GLYATL1: variants seen among roughly 807,000 people sequenced by gnomAD.
GLYATL1 encodes glycine N-acyltransferase-like protein 1.
A neutral mutation model predicts 20.0 loss-of-function variants in GLYATL1; 15 were observed. The ratio of observed to expected loss-of-function variants is 0.75; its 90% CI spans 0.50 to 1.15. The LOEUF (loss-of-function observed/expected upper bound fraction) is 1.15. Ranked by LOEUF, GLYATL1 falls within the 50% of genes most tolerant of loss-of-function variation. GLYATL1 has a pLI of 0.00. For synonymous variants in GLYATL1, 151 were observed against 131.5 expected (o/e 1.15, Z -1.01); for missense variants, 380 against 368.5 (o/e 1.03, Z -0.26).
intron 4 of GLYATL1, among the ~76,000 whole-genome samples, chr11:58,954,353 A>G (rs1857224108): frequency 1.3e-5 from 2 of 152,356 alleles, no homozygotes; most frequent in Admixed American, 1.3e-4. Flanking sequence ...CGTTTGGCAC[A>G]GGTGGTAAGA....
chr11:58,955,120 A>C, intron 5 of GLYATL1, 56 bp from the exon 6 acceptor site: 2 of 1,497,396 alleles, frequency 1.3e-6, no homozygotes, highest in East Asian at 2.3e-5. Flanking sequence ...AGGTGGGAGC[A>C]GTGTAAGTAG....
downstream of GLYATL1, among the ~76,000 whole-genome samples, chr11:58,911,792 T>C (rs1241114307): frequency 2.0e-5 from 3 of 152,230 alleles, no homozygotes; most frequent in Non-Finnish European, 4.4e-5. Flanking sequence ...CTCTTGGTTC[T>C]GTTTTGGGAG....
chr11:58,906,146 G>A (rs1326776970), intron 1 of GLYATL1, among the ~76,000 whole-genome samples: 1 of 152,186 alleles, frequency 6.6e-6, no homozygotes. Flanking sequence ...CGGACCCGGA[G>A]TTAGGTGGAT....
intron 1 of GLYATL1, among the ~76,000 whole-genome samples, chr11:58,932,493 A>G (rs768381570): frequency 2.0e-5 from 3 of 152,180 alleles, no homozygotes; most frequent in South Asian, 2.1e-4. Context: ...CCACTTTTAC[A>G]TCTACACTTG....
upstream of GLYATL1, among the ~76,000 whole-genome samples, chr11:58,926,408 TG>T (rs1343645053): frequency 6.6e-6 from 1 of 152,192 alleles, no homozygotes; most frequent in Non-Finnish European, 1.5e-5. Flanking sequence ...ATGTGTACGT[TG>T]GTCCAGCAAT....
chr11:58,939,838 CTT>C (rs2135168473), intron 1 of GLYATL1, among the ~76,000 whole-genome samples, 188 bp downstream of exon 1: 1 of 152,134 alleles, frequency 6.6e-6, no homozygotes. Flanking sequence ...AAGTGAGTGT[CTT>C]TTGTGGGTAC....
upstream of GLYATL1, among the ~76,000 whole-genome samples, chr11:58,926,402 G>A (rs1490303335): frequency 1.3e-5 from 2 of 152,210 alleles, no homozygotes; most frequent in Non-Finnish European, 2.9e-5. Flanking sequence ...AACAGGATGT[G>A]TACGTTGGTC....
intron 4 of GLYATL1, 112 bp from the exon 5 acceptor site, chr11:58,954,658 T>A (rs775619913): frequency 1.1e-6 from 1 of 929,810 alleles, no homozygotes; most frequent in Non-Finnish European, 1.6e-6. Context: ...GCAGCCATCA[T>A]GGGCCACTGT....
upstream of GLYATL1, among the ~76,000 whole-genome samples, chr11:58,937,301 T>C (rs1855878925): frequency 6.6e-6 from 1 of 152,204 alleles, no homozygotes; most frequent in Admixed American, 6.5e-5. Flanking sequence ...GGATGCTCCT[T>C]TGGACCTTCA....
chr11:58,910,120 A>G (rs1291235439), downstream of GLYATL1, among the ~76,000 whole-genome samples: 1 of 149,056 alleles, frequency 6.7e-6, no homozygotes, highest in Non-Finnish European at 1.5e-5. Flanking sequence ...GCACTTACAG[A>G]TATTCTTAAA....
chr11:58,951,943 C>A (rs1389286249), intron 4 of GLYATL1, among the ~76,000 whole-genome samples: 1 of 151,948 alleles, frequency 6.6e-6, no homozygotes. Flanking sequence ...ATGTGTAATA[C>A]TGTAATCTAC....
Position 58,943,642 on chromosome 11 carries a change from C to A in GLYATL1, c.-67C>A. On this transcript the variant is annotated 5_prime_UTR_variant, in exon 2 of 7. Coordinates refer to ENST00000532726, the MANE Select transcript of GLYATL1 (RefSeq NM_001389712.2). ...GCAGGATCCAATTGTGTCCATTGATCTCTCAGAGTGGCTGAGGATAATAGG... is the reference window on the plus strand; with the variant it reads ...GCAGGATCCAATTGTGTCCATTGATATCTCAGAGTGGCTGAGGATAATAGG... 1 of 1,613,610 alleles carries A rather than the reference C, an allele frequency of 6.2e-7. No individual in the cohort carries two copies.
At chr11:58,929,630 A>G (rs1380393136) in intron 1 of GLYATL1, among the ~76,000 whole-genome samples, 1 of 152,194 alleles carries the variant, frequency 6.6e-6, no homozygotes, top group Non-Finnish European at 1.5e-5. Flanking sequence ...CAGGAACAGC[A>G]ATATTCCCAG....
chr11:58,931,865 A>G (rs1754408510), intron 1 of GLYATL1, among the ~76,000 whole-genome samples: 1 of 152,140 alleles, frequency 6.6e-6, no homozygotes, highest in African/African-American at 2.4e-5. Context: ...TTTGCAAAAC[A>G]CTTTGGAAGG....
upstream of GLYATL1, among the ~76,000 whole-genome samples, chr11:58,936,481 C>G (rs1855840865): frequency 6.6e-6 from 1 of 152,202 alleles, no homozygotes; most frequent in South Asian, 2.1e-4. Context: ...GGAAGTTAGG[C>G]AGGTGCTCAG....
chr11:58,952,965 T>G (rs368896000), intron 4 of GLYATL1, among the ~76,000 whole-genome samples: 26 of 152,288 alleles, frequency 1.7e-4, no homozygotes, highest in African/African-American at 5.8e-4. Flanking sequence ...TCTACCAACA[T>G]GACACATGCA....
At chr11:58,942,412 A>T (rs1174043641) in intron 1 of GLYATL1, 2 of 152,220 alleles carry the variant, frequency 1.3e-5, no homozygotes, top group Non-Finnish European at 2.9e-5. Context: ...CATAAGACAT[A>T]CAGAAATGTG....
At chr11:58,907,041 A>T (rs564686218) in intron 1 of GLYATL1, among the ~76,000 whole-genome samples, 1 of 152,176 alleles carries the variant, frequency 6.6e-6, no homozygotes, top group South Asian at 2.1e-4. Flanking sequence ...CTTAATTTAG[A>T]AATGAGGAAA....
chr11:58,906,689 T>G (rs901659432), intron 1 of GLYATL1, among the ~76,000 whole-genome samples: 1 of 152,176 alleles, frequency 6.6e-6, no homozygotes, highest in Admixed American at 6.5e-5. Context: ...CATGTTAGGG[T>G]AGCGCTGCTG....
Sources: gnomAD v4.1 joint callset for allele counts (sites outside exome capture counted in the v4.1 genomes callset) on GRCh38, gnomAD v4.1.1 for gene constraint, MANE v1.5 for transcripts, NCBI Gene and HGNC (gene_info 2026-07-23, HGNC 2026-07-21) for gene names.